Variants in INPP4B observed in about 807,000 individuals in gnomAD.
The protein encoded by INPP4B is inositol polyphosphate-4-phosphatase type II B, also known as inositol polyphosphate 4-phosphatase type II.
INPP4B carries 55 observed loss-of-function variants against 122.5 expected under a neutral mutation model. The ratio of observed to expected loss-of-function variants is 0.45; its 90% CI spans 0.36 to 0.56. The LOEUF is 0.56. Ranked by LOEUF, INPP4B falls within the 20% of genes least tolerant of loss-of-function variation. The pLI, the probability that INPP4B is intolerant of heterozygous loss-of-function variation, is 0.00. For synonymous variants in INPP4B, 403 were observed against 388.7 expected (o/e 1.04, Z -0.43); for missense variants, 1,000 against 1,097.7 (o/e 0.91, Z 1.26).
At chr4:142,151,833 A>G (rs1001129559) in intron 17 of INPP4B, among the ~76,000 whole-genome samples, 2 of 152,186 alleles carry the variant, frequency 1.3e-5, no homozygotes, top group African/African-American at 2.4e-5. Flanking sequence ...GTTGCATTAA[A>G]TCAACATATA....
At chr4:142,571,556 A>G (rs1732827863) in intron 2 of INPP4B, among the ~76,000 whole-genome samples, 1 of 152,120 alleles carries the variant, frequency 6.6e-6, no homozygotes, top group African/African-American at 2.4e-5. Context: ...CTTTATTCTT[A>G]CTACATGTCC....
chr4:142,563,864 C>G (rs763390850), intron 2 of INPP4B, among the ~76,000 whole-genome samples: 5 of 152,166 alleles, frequency 3.3e-5, no homozygotes, highest in Non-Finnish European at 4.4e-5. Flanking sequence ...GGCTATGGCT[C>G]TACCCAACAG....
chr4:142,071,471 C>T (rs980962781), intron 25 of INPP4B, among the ~76,000 whole-genome samples: 1 of 152,072 alleles, frequency 6.6e-6, no homozygotes, highest in Non-Finnish European at 1.5e-5. Flanking sequence ...GCAACAAAAG[C>T]CAAAATGGAC....
chr4:142,257,260 G>T (rs1282996803), intron 11 of INPP4B, among the ~76,000 whole-genome samples: 6 of 152,180 alleles, frequency 3.9e-5, no homozygotes, highest in Non-Finnish European at 8.8e-5. Flanking sequence ...TACTGAATGG[G>T]CAAAAACTGG....
intron 7 of INPP4B, among the ~76,000 whole-genome samples, chr4:142,319,900 G>T (rs986405104): frequency 6.6e-6 from 1 of 152,176 alleles, no homozygotes; most frequent in African/African-American, 2.4e-5. Context: ...GGCTCTGTAG[G>T]TTAGAAGTCC....
At chr4:142,625,303 T>C (rs1251982539) in intron 2 of INPP4B, among the ~76,000 whole-genome samples, 1 of 152,120 alleles carries the variant, frequency 6.6e-6, no homozygotes, top group East Asian at 1.9e-4. Flanking sequence ...AAAAAATCAA[T>C]GTACAAAAAT....
chr4:142,093,166 T>G (rs935412441), intron 23 of INPP4B, among the ~76,000 whole-genome samples: 2 of 152,158 alleles, frequency 1.3e-5, no homozygotes, highest in Non-Finnish European at 2.9e-5. Flanking sequence ...AAGGTCTTGT[T>G]TAGGTGCTTA....
intron 1 of INPP4B, among the ~76,000 whole-genome samples, chr4:142,772,330 G>T (rs187335332): frequency 2.8e-4 from 42 of 152,200 alleles, no homozygotes; most frequent in Non-Finnish European, 4.7e-4. Context: ...GTGTCTCTGG[G>T]GTGGGAGTGA....
intron 2 of INPP4B, 63 bp from the exon 3 acceptor site, chr4:142,462,789 G>A (rs889082015): frequency 1.3e-5 from 2 of 152,150 alleles, no homozygotes; most frequent in Admixed American, 6.5e-5. Flanking sequence ...TCTTACTAAA[G>A]CACCCATAGG....
intron 5 of INPP4B, among the ~76,000 whole-genome samples, chr4:142,415,800 A>T (rs564407787): frequency 3.5e-4 from 53 of 152,302 alleles, no homozygotes; most frequent in African/African-American, 1.3e-3. Flanking sequence ...TGGCACATAT[A>T]CACCATGAAA....
Position 142,290,195 on chromosome 4 carries a change from CTTTTTTTTTTTTT to C in INPP4B, c.503+15250_503+15262del, listed in dbSNP as rs35260066. Reference sequence around the variant, plus strand: ...CCACCTTGGCCTTATTTCTTTCTTCCTTTTTTTTTTTTTTTTTTTTTTTTTTTTTGAGATGGAA... The same window carrying C: ...CCACCTTGGCCTTATTTCTTTCTTCCTTTTTTTTTTTTTTTTGAGATGGAA... On this transcript the variant is annotated intron_variant, in intron 9 of 25. Transcript: ENST00000262992. Among the ~76,000 whole-genome samples the C allele has an allele frequency of 9.5e-4, 74 of 77,506 alleles. 1 individual carries two copies. Among genetic ancestry groups the C allele is most frequent in the African/African-American group, 4.5e-3 (68 of 15,142 alleles). The allele number at this position is 77,506 out of a possible 152,430, so 50.8% of individuals were successfully genotyped here.
intron 1 of INPP4B, among the ~76,000 whole-genome samples, chr4:142,781,327 A>G (rs559800789): frequency 6.6e-6 from 1 of 152,152 alleles, no homozygotes; most frequent in African/African-American, 2.4e-5. Flanking sequence ...TCAAGTGTCG[A>G]TCCTATTTCC....
intron 9 of INPP4B, among the ~76,000 whole-genome samples, chr4:142,285,722 T>A (rs1271460363): frequency 2.0e-5 from 3 of 151,410 alleles, no homozygotes; most frequent in Admixed American, 2.0e-4. Flanking sequence ...AGAGCCAGAG[T>A]AGGATGTGGA....
chr4:142,504,516 AAT>A (rs751179628), intron 2 of INPP4B, among the ~76,000 whole-genome samples: 4 of 152,186 alleles, frequency 2.6e-5, no homozygotes, highest in Non-Finnish European at 5.9e-5. Context: ...CTAGTGCATT[AAT>A]AGTTACCTAG....
intron 7 of INPP4B, among the ~76,000 whole-genome samples, chr4:142,325,930 GGTGAA>G (rs1561855490): frequency 6.6e-6 from 1 of 152,096 alleles, no homozygotes; most frequent in Admixed American, 6.5e-5. Context: ...ATTACAAGCA[GGTGAA>G]AGAATACTGA....
chr4:142,471,152 T>C (rs1818746276), intron 2 of INPP4B, among the ~76,000 whole-genome samples: 1 of 152,210 alleles, frequency 6.6e-6, no homozygotes, highest in East Asian at 1.9e-4. Context: ...AGTCTGCTTT[T>C]TTCATCTATA....
At chr4:142,328,686 T>C (rs1368189237) in intron 7 of INPP4B, among the ~76,000 whole-genome samples, 1 of 152,200 alleles carries the variant, frequency 6.6e-6, no homozygotes, top group Non-Finnish European at 1.5e-5. Flanking sequence ...TTATTTAACA[T>C]ATAATGAGTT....
Position 142,112,646 on chromosome 4 carries a change from T to G in INPP4B, c.2172A>C (p.Arg724Ser), listed in dbSNP as rs1250718680. ...HYVVEVKLPA[R>S]MFESLPLQIK... ...TCTGTAGAGGTAGTGACTCAAACAT[T>G]CTGGCTGGAAGCTTGACCTCTACCA... is the stretch of plus-strand genomic sequence containing the variant. The change falls in exon 22 of 26, where the codon AGA (arginine) becomes AGC (serine). Residue 724 changes from arginine (R) to serine (S), a missense_variant. Transcript: ENST00000262992. 3 of 1,612,860 alleles carry G rather than the reference T, an allele frequency of 1.9e-6. No homozygotes were observed. The highest frequency in any genetic ancestry group is 3.3e-5 in the Admixed American group (2 of 59,840).
At chr4:142,413,296 T>G (rs1262262959) in intron 5 of INPP4B, among the ~76,000 whole-genome samples, 1 of 152,124 alleles carries the variant, frequency 6.6e-6, no homozygotes, top group African/African-American at 2.4e-5. Flanking sequence ...ATAGTACTAA[T>G]TTTAGGTTTC....
Sources: gnomAD v4.1 joint callset for allele counts (sites outside exome capture counted in the v4.1 genomes callset) on GRCh38, gnomAD v4.1.1 for gene constraint, MANE v1.5 for transcripts, NCBI Gene and HGNC (gene_info 2026-07-23, HGNC 2026-07-21) for gene names.